RAD51AP2: variants seen among roughly 807,000 people sequenced by gnomAD.
The protein encoded by RAD51AP2 is RAD51 associated protein 2.
A neutral mutation model predicts 85.5 loss-of-function variants in RAD51AP2; 67 were observed. The observed-to-expected ratio is 0.78, with a 90% CI of 0.64 to 0.96. The LOEUF (loss-of-function observed/expected upper bound fraction) is 0.96, where lower values mean the gene tolerates loss of function less well. Ranked by LOEUF, RAD51AP2 falls within the 40% of genes least tolerant of loss-of-function variation. RAD51AP2 has a pLI of 0.00. For synonymous variants in RAD51AP2, 474 were observed against 446.5 expected (o/e 1.06, Z -0.78); for missense variants, 1,307 against 1,332.4 (o/e 0.98, Z 0.30).
chr2:17,518,420 G>C lies in RAD51AP2; in HGVS notation c.-5C>G, dbSNP rs1440954724. 3 of 1,608,686 alleles carry C rather than the reference G, an allele frequency of 1.9e-6. No individual in the cohort carries two copies. The highest frequency in any genetic ancestry group is 2.5e-6 in the Non-Finnish European group (3 of 1,178,450). On this transcript the variant is annotated 5_prime_UTR_variant, in exon 1 of 3. Transcript: ENST00000399080. ...CGTGGGCTGAGGGAGAGACATGACA[G>C]CGAATGGAAAGGATCTGTCCGAGTC...
Position 17,517,059 on chromosome 2 carries a change from TG to T in RAD51AP2, c.1356del (p.Asn453MetfsTer11). On this transcript the variant is annotated frameshift_variant, in exon 1 of 3. Transcript: ENST00000399080. LOFTEE classifies it high-confidence loss of function. ...SKEDYHCAKV[I>X]NAYEEQSKLL... ...AGCTTTGATTGTTCTTCATATGCATTGATGACTTTTGCACAGTGGTAATCTT... is the reference window on the plus strand; with the variant it reads ...AGCTTTGATTGTTCTTCATATGCATTATGACTTTTGCACAGTGGTAATCTT... 6.2e-7 allele frequency: 1 copy of T among 1,612,122 alleles called. No individual in the cohort carries two copies. Among genetic ancestry groups the T allele is most frequent in the Non-Finnish European group, 8.5e-7 (1 of 1,179,368 alleles).
chr2:17,516,946 C>G lies in RAD51AP2; in HGVS notation c.1470G>C (p.Gln490His), dbSNP rs62130404. 0.03 allele frequency: 47,657 copies of G among 1,598,044 alleles called. 821 individuals are homozygous for G. The highest frequency in any genetic ancestry group is 0.044 in the Middle Eastern group (263 of 5,972). The change falls in exon 1 of 3, where the codon CAG (glutamine) becomes CAC (histidine). Residue 490 changes from glutamine (Q) to histidine (H), a missense_variant. Physicochemically the swap from Gln to His is conservative, Grantham distance 24 (BLOSUM62 0). Transcript: ENST00000399080. The stretch of plus-strand genomic sequence containing the variant: ...CTTTTTGTGTAGTATTGTATCTCAA[C>G]TGTAGAGTATTATCATTTTCTCCTT... ...NGKGENDNTL[Q>H]LRYNTTQKVF... is the part of the protein sequence containing the mutation.
rs765039808 is a variant in RAD51AP2, at chr2:17,517,521, AC to A, written c.894del (p.Trp298CysfsTer20). On this transcript the variant is annotated frameshift_variant, in exon 1 of 3. Transcript: ENST00000399080. LOFTEE classifies it high-confidence loss of function. Reference sequence around the variant, plus strand: ...TTCTTAACATCAGGTCTATTTTGGGACCAGTAAATGTTTGTGAAATCCCTAA... The same window carrying A: ...TTCTTAACATCAGGTCTATTTTGGGACAGTAAATGTTTGTGAAATCCCTAA... ...AYVRDFTNIY[W>X]SQNRPDVKKQ... 4 of 1,613,616 alleles carry A rather than the reference AC, an allele frequency of 2.5e-6. No homozygotes were observed. Among genetic ancestry groups the A allele is most frequent in the Non-Finnish European group, 3.4e-6 (4 of 1,179,892 alleles).
the RAD51AP2 span, among the ~76,000 whole-genome samples, chr2:17,528,646 C>T: frequency 6.6e-6 from 1 of 152,022 alleles, no homozygotes; most frequent in African/African-American, 2.4e-5. Context: ...AGTTCACGAC[C>T]AGCCTGAGCA....
the RAD51AP2 span, among the ~76,000 whole-genome samples, chr2:17,537,137 T>A: frequency 6.6e-6 from 1 of 151,856 alleles, no homozygotes; most frequent in Admixed American, 6.6e-5. Context: ...CTGGGCAACA[T>A]GGCAAGACAC....
chr2:17,510,845 G>C lies in RAD51AP2; in HGVS notation c.3439C>G (p.Leu1147Val), dbSNP rs1022535570. The change falls in exon 3 of 3, where the codon CTG becomes GTG. Residue 1147 changes from leucine to valine, a missense_variant. Coordinates refer to ENST00000399080, the MANE Select transcript of RAD51AP2 (RefSeq NM_001099218.3). Reference sequence around the variant, plus strand: ...AAGTTTCCGTAACACATTTGTTTCAGATAAGGATGAAGTTGTTTAATCCTT... The same window carrying C: ...AAGTTTCCGTAACACATTTGTTTCACATAAGGATGAAGTTGTTTAATCCTT... ...KARIKQLHPY[L>V]KQMCYGNLKE... 6.2e-7 allele frequency: 1 copy of C among 1,600,262 alleles called. No homozygotes were observed. Among genetic ancestry groups the C allele is most frequent in the African/African-American group, 1.3e-5 (1 of 74,552 alleles).
chr2:17,537,710 C>T, the RAD51AP2 span, among the ~76,000 whole-genome samples: 1 of 152,124 alleles, frequency 6.6e-6, no homozygotes, highest in African/African-American at 2.4e-5. Flanking sequence ...AATTCGTCCA[C>T]GTCACAAAGC....
chr2:17,536,812 C>A, the RAD51AP2 span, among the ~76,000 whole-genome samples: 3 of 152,056 alleles, frequency 2.0e-5, no homozygotes, highest in Non-Finnish European at 4.4e-5. Context: ...TAAAACTCAC[C>A]CATTAACTGC....
At chr2:17,535,241 T>C in the RAD51AP2 span, among the ~76,000 whole-genome samples, 1 of 152,058 alleles carries the variant, frequency 6.6e-6, no homozygotes, top group Non-Finnish European at 1.5e-5. Flanking sequence ...AAAGAGTATA[T>C]GGATAAGTGC....
intron 2 of RAD51AP2, among the ~76,000 whole-genome samples, chr2:17,512,750 C>G (rs901235280): frequency 1.3e-5 from 2 of 152,182 alleles, no homozygotes; most frequent in Non-Finnish European, 2.9e-5. Context: ...CTAATTCTTG[C>G]CATACTACTT....
Position 17,517,233 on chromosome 2 carries a change from A to G in RAD51AP2, c.1183T>C (p.Trp395Arg). The G allele has an allele frequency of 1.2e-6, 2 of 1,613,892 alleles. No homozygotes were observed. Among genetic ancestry groups the G allele is most frequent in the East Asian group, 4.5e-5 (2 of 44,862 alleles). Residue 395 changes from tryptophan (W) to arginine (R), a missense_variant, in exon 1 of 3, where the codon TGG (tryptophan) becomes CGG (arginine). By Grantham distance (101) the Trp-to-Arg change is moderately radical. This residue lies in a region of RAD51AP2 where 635 missense variants were observed against 643.6 expected (regional missense o/e 0.99). Transcript: ENST00000399080. The stretch of plus-strand genomic sequence containing the variant: ...AAAATATGTCTAACGTTACAGTCCC[A>G]GTTTTGAGATTTTTCCAGCCTGGTA... ...VLTRLEKSQN[W>R]DCNVRHILRR...
Position 17,518,127 on chromosome 2 carries a change from T to A in RAD51AP2, c.289A>T (p.Lys97Ter), listed in dbSNP as rs760437962. 1.2e-6 allele frequency: 2 copies of A among 1,614,194 alleles called. No homozygotes were observed. Among genetic ancestry groups the A allele is most frequent in the East Asian group, 4.5e-5 (2 of 44,882 alleles). The change falls in exon 1 of 3, where the codon AAG becomes TAG. Residue 97 changes from lysine to a stop codon, truncating the protein, a stop_gained. Coordinates refer to ENST00000399080, the MANE Select transcript of RAD51AP2 (RefSeq NM_001099218.3). LOFTEE classifies it high-confidence loss of function. Reference protein sequence around the residue: ...DSCVEKSVSGKQICNLKCSNL... With the variant: ...DSCVEKSVSG ...GAGCATTTCAGATTACATATCTGCTTCCCACTGACTGATTTCTCCACACAC... is the reference window on the plus strand; with the variant it reads ...GAGCATTTCAGATTACATATCTGCTACCCACTGACTGATTTCTCCACACAC...
chr2:17,537,288 C>T, the RAD51AP2 span, among the ~76,000 whole-genome samples: 1 of 151,952 alleles, frequency 6.6e-6, no homozygotes, highest in Admixed American at 6.5e-5. Context: ...TGCCACTGCA[C>T]TCCAGCCTGG....
chr2:17,524,888 A>AAAT, the RAD51AP2 span, among the ~76,000 whole-genome samples: 1 of 151,948 alleles, frequency 6.6e-6, no homozygotes, highest in Non-Finnish European at 1.5e-5. Context: ...GGAAGGCTTC[A>AAAT]CAGAGGAAAG....
At position 17,516,864 on chromosome 2, in the gene RAD51AP2, T is replaced by C; in HGVS notation, c.1552A>G (p.Lys518Glu). 2 of 1,556,788 alleles carry C rather than the reference T, an allele frequency of 1.3e-6. No homozygotes were observed. Among genetic ancestry groups the C allele is most frequent in the Non-Finnish European group, 8.7e-7 (1 of 1,152,122 alleles). Residue 518 changes from lysine to glutamate, a missense_variant, in exon 1 of 3, where the codon AAA becomes GAA. Physicochemically the swap from Lys to Glu is moderately conservative, Grantham distance 56 (BLOSUM62 1). Coordinates refer to ENST00000399080, the MANE Select transcript of RAD51AP2 (RefSeq NM_001099218.3). ...TCTTTTTTATTTCCTGAAATACTTT[T>C]ATGGAAATAAAAAATTTCTATAATG... Reference protein sequence around the residue: ...SFIIEIFYFHKSISGNKKDNS... With the variant: ...SFIIEIFYFHESISGNKKDNS...
At position 17,510,964 on chromosome 2, in the gene RAD51AP2, A is replaced by G. The variant is rs762562384; in HGVS notation, c.3329-9T>C. ...ATGTGGAAAGTGACTACCTAAAAAT[A>G]TAAGACAATAAAAGTAAAAATTATC... is the stretch of plus-strand genomic sequence containing the variant. On this transcript the variant is annotated splice_polypyrimidine_tract_variant and intron_variant, in intron 2 of 2. Transcript: ENST00000399080. The G allele has an allele frequency of 6.4e-7, 1 of 1,571,058 alleles. No individual in the cohort carries two copies. The highest frequency in any genetic ancestry group is 1.2e-5 in the South Asian group (1 of 82,030).
the RAD51AP2 span, among the ~76,000 whole-genome samples, chr2:17,528,246 T>TCC: frequency 6.6e-6 from 1 of 152,120 alleles, no homozygotes; most frequent in African/African-American, 2.4e-5. Flanking sequence ...ATCTAAATAC[T>TCC]TTTAATCAGA....
chr2:17,516,774 G>T lies in RAD51AP2; in HGVS notation c.1642C>A (p.Gln548Lys), dbSNP rs767256329. ...CKKQIGIIGIQNLITRNMNTN... is the reference protein window; with the variant it reads ...CKKQIGIIGIKNLITRNMNTN... The stretch of plus-strand genomic sequence containing the variant: ...TTCATGTTTCTGGTTATTAGATTTT[G>T]AATACCAATTATACCAATTTGCTTT... Residue 548 changes from glutamine (Q) to lysine (K), a missense_variant, in exon 1 of 3, where the codon CAA becomes AAA. Around this residue, in one of 3 missense-constraint regions of RAD51AP2, gnomAD observed 635 missense variants for 643.6 expected, o/e 0.99. Transcript: ENST00000399080. 8 of 1,560,868 alleles carry T rather than the reference G, an allele frequency of 5.1e-6. No homozygotes were observed. The African/African-American group carries it at 9.6e-5, about 19-fold the overall frequency.
chr2:17,514,594 C>G (rs993575112), intron 1 of RAD51AP2, among the ~76,000 whole-genome samples: 1 of 151,956 alleles, frequency 6.6e-6, no homozygotes, highest in Non-Finnish European at 1.5e-5. Context: ...CACAGTGAAG[C>G]CCCCATCTCT....
Sources: allele counts gnomAD v4.1 joint callset (sites outside exome capture counted in the v4.1 genomes callset), GRCh38; gene constraint gnomAD v4.1.1; regional missense constraint gnomAD v4.1.1; transcripts MANE v1.5; gene names NCBI Gene and HGNC (gene_info 2026-07-23, HGNC 2026-07-21).